The following SLC12A3 variants were observed in gnomAD, a reference collection of about 807,000 sequenced individuals.
SLC12A3 encodes the protein solute carrier family 12 member 3, also known as Na-Cl cotransporter.
In SLC12A3, 104 loss-of-function variants were observed where a neutral mutation model predicts 121.0. That is an observed-to-expected ratio of 0.86 (90% CI 0.73 to 1.01). The LOEUF (loss-of-function observed/expected upper bound fraction) is 1.01, where lower values mean the gene tolerates loss of function less well. Among genes scored for constraint, SLC12A3 ranks in the 50% least tolerant of loss-of-function variants. SLC12A3 has a pLI of 0.00. For missense variants in SLC12A3, 1,328 were observed against 1,356.3 expected (o/e 0.98, Z 0.33); for synonymous variants, 536 against 533.4 (o/e 1.00, Z -0.07).
intron 8 of SLC12A3, among the ~76,000 whole-genome samples, chr16:56,874,984 C>T (rs2055148085): frequency 6.6e-6 from 1 of 152,164 alleles, no homozygotes. Flanking sequence ...TCTGCCTGCC[C>T]TGAGGTCCCG....
At chr16:56,889,813 G>A (rs770263164) in intron 18 of SLC12A3, among the ~76,000 whole-genome samples, 10 of 152,184 alleles carry the variant, frequency 6.6e-5, no homozygotes, top group Non-Finnish European at 1.5e-4. Context: ...CAGGAGTAAA[G>A]CTCCTCTCAT....
chr16:56,886,581 T>A lies in SLC12A3; in HGVS notation c.2037+106T>A, dbSNP rs570131290. 9.6e-6 allele frequency: 10 copies of A among 1,037,474 alleles called. No homozygotes were observed. The African/African-American group carries it at 1.6e-4, about 16-fold the overall frequency. The allele number at this position is 1,037,474 out of a possible 1,614,324, so 64.3% of individuals were successfully genotyped here. ...AGGTGGATCACCCGAGGTCAGGAGTTTGAGACCAGCCTGGCCAACACAGCT... is the reference window on the plus strand; with the variant it reads ...AGGTGGATCACCCGAGGTCAGGAGTATGAGACCAGCCTGGCCAACACAGCT... On this transcript the variant is annotated intron_variant, in intron 16 of 25. Transcript: ENST00000563236.
At position 56,870,243 on chromosome 16, in the gene SLC12A3, C is replaced by G. The variant is rs200257610; in HGVS notation, c.741+8C>G. 2.4e-5 allele frequency: 38 copies of G among 1,611,868 alleles called. No homozygotes were observed. In the East Asian group the frequency reaches 6.7e-4, roughly 28 times the overall value. On this transcript the variant is annotated splice_region_variant and intron_variant, in intron 5 of 25. Transcript: ENST00000563236. ...GTGCGGGACCTGCTCCAGGTGAGGC[C>G]GGGGGGCTGGACCCTGGGTAGAGGG...
intron 2 of SLC12A3, among the ~76,000 whole-genome samples, 188 bp from the exon 3 acceptor site, chr16:56,868,109 G>A (rs1355894927): frequency 2.0e-5 from 3 of 152,224 alleles, no homozygotes; most frequent in Non-Finnish European, 4.4e-5. Flanking sequence ...GGATAGGTGG[G>A]TCTCTGGGTG....
intron 25 of SLC12A3, 179 bp downstream of exon 25, chr16:56,904,641 G>C: frequency 1.6e-6 from 1 of 631,576 alleles, no homozygotes; most frequent in South Asian, 1.7e-5. Context: ...GCCTGAGCCC[G>C]CCCCACACCT....
intron 23 of SLC12A3, 70 bp from the exon 24 acceptor site, chr16:56,902,303 G>T (rs750608918): frequency 2.1e-5 from 33 of 1,603,894 alleles, no homozygotes; most frequent in Non-Finnish European, 2.6e-5. Flanking sequence ...CCAGCTCCCC[G>T]CAGGGACCTG....
chr16:56,870,608 C>T lies in SLC12A3; in HGVS notation c.742-18C>T, dbSNP rs772697299. ...ATTCAGAGGGTGGCTTGCAGCCTGG[C>T]CCATTTTCCCTCCCCAGGAGTATGG... is the stretch of plus-strand genomic sequence containing the variant. On this transcript the variant is annotated intron_variant, in intron 5 of 25. Coordinates refer to ENST00000563236, the MANE Select transcript of SLC12A3 (RefSeq NM_001126108.2). 9 of 1,521,298 alleles carry T rather than the reference C, an allele frequency of 5.9e-6. No homozygotes were observed. The South Asian group carries it at 9.0e-5, about 15-fold the overall frequency. The allele number at this position is 1,521,298 out of a possible 1,614,324, so 94.2% of individuals were successfully genotyped here.
In SLC12A3 at chr16:56,904,683, C is replaced by T. The variant is rs35889633; in HGVS notation, c.2924+221C>T. On this transcript the variant is annotated intron_variant, in intron 25 of 25. Coordinates refer to ENST00000563236, the MANE Select transcript of SLC12A3 (RefSeq NM_001126108.2). Reference sequence around the variant, plus strand: ...CAGCTGGCAGGGGTCGAGGGCCTCACGTGTCCCAGGCATCAGTGACCTCCC... The same window carrying T: ...CAGCTGGCAGGGGTCGAGGGCCTCATGTGTCCCAGGCATCAGTGACCTCCC... 1,294 of 544,078 alleles carry T rather than the reference C, an allele frequency of 2.4e-3. 14 individuals carry two copies. Among genetic ancestry groups the T allele is most frequent in the African/African-American group, 0.022 (1,160 of 52,470 alleles). The allele number at this position is 544,078 out of a possible 1,614,324, so 33.7% of individuals were successfully genotyped here. A position where few individuals can be genotyped will look rare whatever the true frequency, so the allele number is the denominator to read the frequency against.
chr16:56,903,136 G>T (rs2144768842), intron 24 of SLC12A3, among the ~76,000 whole-genome samples: 2 of 149,650 alleles, frequency 1.3e-5, no homozygotes, highest in Middle Eastern at 6.9e-3. Context: ...GTGACAGAGT[G>T]AGACTCCGTC....
In SLC12A3 at chr16:56,892,142, C is replaced by G; in HGVS notation, c.2419+9C>G. On this transcript the variant is annotated intron_variant, in intron 20 of 25. Coordinates refer to ENST00000563236, the MANE Select transcript of SLC12A3 (RefSeq NM_001126108.2). ...GGAAGCCAGCGCCAGAGGTGCCAGG[C>G]CATCAGTCTCTGGCGCTTGTCAGTG... 1 of 1,613,188 alleles carries G rather than the reference C, an allele frequency of 6.2e-7. No homozygotes were observed. Among genetic ancestry groups the G allele is most frequent in the East Asian group, 2.2e-5 (1 of 44,866 alleles).
rs1198160137 is a variant in SLC12A3, at chr16:56,914,463, T to A, written c.*1058T>A. 2.0e-5 allele frequency: 3 copies of A among 152,268 alleles called. No homozygotes were observed. The highest frequency in any genetic ancestry group is 7.2e-5 in the African/African-American group (3 of 41,478). The allele number at this position is 152,268 out of a possible 1,614,324, so 9.4% of individuals were successfully genotyped here. On this transcript the variant is annotated 3_prime_UTR_variant, in exon 26 of 26. Transcript: ENST00000563236. ...TGTTCTGTTTATTTTTCACTGTTGG[T>A]TGCAATCCAATAAAATGACTTTGGG...
At chr16:56,884,249 A>T in intron 14 of SLC12A3, 45 bp downstream of exon 14, 1 of 1,606,346 alleles carries the variant, frequency 6.2e-7, no homozygotes, top group East Asian at 2.2e-5. Flanking sequence ...CCCCCAGGGT[A>T]GCCATGCAGG....
chr16:56,889,369 C>A (rs1208474867), intron 18 of SLC12A3, among the ~76,000 whole-genome samples: 2 of 152,330 alleles, frequency 1.3e-5, no homozygotes, highest in South Asian at 4.1e-4. Flanking sequence ...GAGGGCAGTG[C>A]GCAGCCCATT....
At chr16:56,902,536 G>A (rs377139126) in intron 24 of SLC12A3, 28 bp downstream of exon 24, 11 of 1,578,508 alleles carry the variant, frequency 7.0e-6, no homozygotes, top group Non-Finnish European at 3.5e-6. Context: ...GGTGGGAAAC[G>A]CGACACATCA....
At chr16:56,896,393 T>G (rs1363086774) in intron 22 of SLC12A3, among the ~76,000 whole-genome samples, 1 of 152,184 alleles carries the variant, frequency 6.6e-6, no homozygotes, top group Non-Finnish European at 1.5e-5. Flanking sequence ...CCCTGGTTTA[T>G]CGACATGGGT....
rs773395837 is a variant in SLC12A3, at chr16:56,885,416, C to T, written c.1925+52C>T. ...GGGACCCCAGGGCCAGTGATGGCTC[C>T]ACCCTGGGAGTTTCCAAGCCTAGAC... On this transcript the variant is annotated intron_variant, in intron 15 of 25. Transcript: ENST00000563236. The T allele has an allele frequency of 1.1e-5, 13 of 1,201,912 alleles. No homozygotes were observed. In the South Asian group the frequency reaches 1.7e-4, roughly 16 times the overall value. 74.5% of individuals were successfully genotyped at this position (1,201,912 alleles called of 1,614,324 possible).
At chr16:56,907,082 C>T (rs1377505068) in intron 25 of SLC12A3, 5 of 182,772 alleles carry the variant, frequency 2.7e-5, no homozygotes, top group Non-Finnish European at 5.6e-5. Context: ...AGTTACTCTT[C>T]ATTGACAGGA....
chr16:56,885,605 C>G (rs543372993), intron 15 of SLC12A3, among the ~76,000 whole-genome samples: 1 of 152,102 alleles, frequency 6.6e-6, no homozygotes, highest in Non-Finnish European at 1.5e-5. Flanking sequence ...ACAGTGGAAA[C>G]GTGCTTTGGT....
chr16:56,908,628 C>G lies in SLC12A3; in HGVS notation c.2924+4166C>G, dbSNP rs547505904. ...AGGCCCCGTGTGACTGTGCTGGTTG[C>G]ACACCCAGGAAGCTGGCTCTGCCCA... On this transcript the variant is annotated intron_variant, in intron 25 of 25. Transcript: ENST00000563236. Among the ~76,000 whole-genome samples the G allele has an allele frequency of 5.9e-5, 9 of 152,322 alleles. No individual in the cohort carries two copies. The South Asian group carries it at 1.9e-3, about 32-fold the overall frequency.
Sources: gnomAD v4.1 joint callset for allele counts (sites outside exome capture counted in the v4.1 genomes callset) on GRCh38, gnomAD v4.1.1 for gene constraint, MANE v1.5 for transcripts, NCBI Gene and HGNC (gene_info 2026-07-23, HGNC 2026-07-21) for gene names.